SLC15A5: variants seen among roughly 807,000 people sequenced by gnomAD.
SLC15A5 encodes the protein Peptide/histidine transporter ENSP00000340402.
SLC15A5 carries 58 observed loss-of-function variants against 56.1 expected under a neutral mutation model. That is an observed-to-expected ratio of 1.03 (90% CI 0.84 to 1.29). The LOEUF (loss-of-function observed/expected upper bound fraction) is 1.29, where lower values mean the gene tolerates loss of function less well. Ranked by LOEUF, SLC15A5 falls within the 50% of genes most tolerant of loss-of-function variation. SLC15A5 has a pLI of 0.00. For missense variants in SLC15A5, 681 were observed against 672.1 expected (o/e 1.01, Z -0.15); for synonymous variants, 264 against 250.5 (o/e 1.05, Z -0.51).
At chr12:16,265,051 T>G (rs1433689713) in intron 2 of SLC15A5, among the ~76,000 whole-genome samples, 1 of 152,178 alleles carries the variant, frequency 6.6e-6, no homozygotes, top group Non-Finnish European at 1.5e-5. Flanking sequence ...TGGGTTTTAT[T>G]TTCAGTGCAT....
intron 3 of SLC15A5, among the ~76,000 whole-genome samples, chr12:16,250,426 A>C (rs1864508537): frequency 6.6e-6 from 1 of 152,024 alleles, no homozygotes; most frequent in South Asian, 2.1e-4. Context: ...ACATTGGTGA[A>C]TGCGCTTCAT....
Position 16,277,408 on chromosome 12 carries a change from G to A in SLC15A5, c.278C>T (p.Thr93Ile), listed in dbSNP as rs765212822. The A allele has an allele frequency of 6.5e-7, 1 of 1,536,434 alleles. No individual in the cohort carries two copies. Among genetic ancestry groups the A allele is most frequent in the Non-Finnish European group, 8.7e-7 (1 of 1,146,410 alleles). ...AGTGAGCCATCTGACAAACACAGGG[G>A]TAAGTATTGAAGTTCCAATAAAACA... Reference protein sequence around the residue: ...NLCFIGTSILTPVFVRWLTDV... With the variant: ...NLCFIGTSILIPVFVRWLTDV... The change falls in exon 1 of 9, where the codon ACC (threonine) becomes ATC (isoleucine). Residue 93 changes from threonine (T) to isoleucine (I), a missense_variant. Physicochemically the swap from Thr to Ile is moderately conservative, Grantham distance 89 (BLOSUM62 -1). Transcript: ENST00000344941.
rs191324881 is a variant in SLC15A5 at position 16,216,230 on chromosome 12, A to G, written c.1483+663T>C. The stretch of plus-strand genomic sequence containing the variant: ...AAAATTTCAAAAGTCCAGATTTAAA[A>G]TACAGCCAAAGTCATATCACTGTGA... On this transcript the variant is annotated intron_variant, in intron 7 of 8. Coordinates refer to ENST00000344941, the MANE Select transcript of SLC15A5 (RefSeq NM_001170798.1). 1.4e-4 allele frequency among the ~76,000 whole-genome samples: 21 copies of G among 152,312 alleles called. 1 individual carries two copies. The South Asian group carries it at 4.1e-3, about 30-fold the overall frequency.
intron 3 of SLC15A5, among the ~76,000 whole-genome samples, chr12:16,253,402 C>A (rs1384025300): frequency 6.6e-6 from 1 of 151,924 alleles, no homozygotes; most frequent in East Asian, 1.9e-4. Flanking sequence ...GGGCTAATAT[C>A]CAGAATATAT....
chr12:16,240,279 A>G (rs951150932), intron 4 of SLC15A5, among the ~76,000 whole-genome samples: 1 of 152,198 alleles, frequency 6.6e-6, no homozygotes, highest in African/African-American at 2.4e-5. Flanking sequence ...CCTGATGAAA[A>G]AAATGAGGCT....
chr12:16,192,388 A>G (rs542540641), intron 8 of SLC15A5, among the ~76,000 whole-genome samples: 1 of 152,136 alleles, frequency 6.6e-6, no homozygotes, highest in East Asian at 1.9e-4. Context: ...TTACATTTTT[A>G]CTTAGTCACT....
chr12:16,194,313 G>T (rs1224813325), intron 8 of SLC15A5, 32 bp downstream of exon 8: 1 of 1,430,618 alleles, frequency 7.0e-7, no homozygotes, highest in South Asian at 1.3e-5. Context: ...CATGGACTCA[G>T]AAATTTTTCA....
Position 16,235,818 on chromosome 12 carries a change from C to T in SLC15A5, c.1162+3863G>A, listed in dbSNP as rs1864347512. ...ACTGGATCCTTGACTTGGCTTTTAG[C>T]TTAGCAACCACTTTGGTTTCAACCA... On this transcript the variant is annotated intron_variant, in intron 5 of 8. Transcript: ENST00000344941. This position sits in a 1 kb window ranked among gnomAD's most constrained non-coding sequence, Gnocchi z 4.1. Among the ~76,000 whole-genome samples the T allele has an allele frequency of 6.6e-6, 1 of 152,118 alleles. No individual in the cohort carries two copies. The highest frequency in any genetic ancestry group is 2.4e-5 in the African/African-American group (1 of 41,444).
At chr12:16,207,815 G>A (rs752472113) in intron 7 of SLC15A5, among the ~76,000 whole-genome samples, 6 of 151,910 alleles carry the variant, frequency 3.9e-5, no homozygotes, top group South Asian at 2.1e-4. Flanking sequence ...CACCACTCCC[G>A]GCTAATCTTT....
In SLC15A5 at chr12:16,239,720, G is replaced by A. The variant is rs61746306; in HGVS notation, c.1123C>T (p.Pro375Ser). The A allele has an allele frequency of 9.6e-4, 1,476 of 1,537,384 alleles. 11 individuals are homozygous for A. The African/African-American group carries it at 0.015, about 16-fold the overall frequency. The change falls in exon 5 of 9, where the codon CCC becomes TCC. Residue 375 changes from proline (P) to serine (S), a missense_variant. Transcript: ENST00000344941. ...AGAAATGATCCAACTCTCTTAGAGGGAAACAGGCAGGTGCTGAAATACTCC... is the reference window on the plus strand; with the variant it reads ...AGAAATGATCCAACTCTCTTAGAGGAAAACAGGCAGGTGCTGAAATACTCC... ...FLEYFSTCLF[P>S]SKRVGSFLST... is the part of the protein sequence containing the mutation.
At chr12:16,228,374 T>C (rs942409597) in intron 5 of SLC15A5, among the ~76,000 whole-genome samples, 3 of 151,820 alleles carry the variant, frequency 2.0e-5, no homozygotes, top group South Asian at 2.1e-4. Context: ...GTCAGAAAGA[T>C]AGGTCATGTG....
At chr12:16,247,413 C>A (rs1424523040) in intron 3 of SLC15A5, among the ~76,000 whole-genome samples, 1 of 152,136 alleles carries the variant, frequency 6.6e-6, no homozygotes, top group Non-Finnish European at 1.5e-5. Context: ...AGTCAGAAAA[C>A]TGTTTTGGGC....
rs1278270998 is a variant in SLC15A5, at chr12:16,244,771, A to T, written c.784T>A (p.Leu262Met). ...TGGCATGTTTTCAGTGCACTAACCA[A>T]CACCCCAACGCCTGTCAGGAGAGAA... Reference protein sequence around the residue: ...RCSLLTGVGVLVSALKTCHPQ... With the variant: ...RCSLLTGVGVMVSALKTCHPQ... The change falls in exon 4 of 9, where the codon TTG (leucine) becomes ATG (methionine). Residue 262 changes from leucine (L) to methionine (M), a missense_variant. Physicochemically the swap from Leu to Met is conservative, Grantham distance 15 (BLOSUM62 2). Coordinates refer to ENST00000344941, the MANE Select transcript of SLC15A5 (RefSeq NM_001170798.1). The T allele has an allele frequency of 2.0e-6, 3 of 1,537,704 alleles. No homozygotes were observed. In the African/African-American group the frequency reaches 4.1e-5, roughly 21 times the overall value.
At chr12:16,203,233 C>A (rs540902049) in intron 7 of SLC15A5, among the ~76,000 whole-genome samples, 19 of 151,800 alleles carry the variant, frequency 1.3e-4, no homozygotes, top group Admixed American at 8.5e-4. Flanking sequence ...ACATTGTACC[C>A]CATAGATATA....
At chr12:16,211,050 G>T (rs1292925547) in intron 7 of SLC15A5, among the ~76,000 whole-genome samples, 1 of 152,186 alleles carries the variant, frequency 6.6e-6, no homozygotes. Context: ...GACAAGTAGA[G>T]TGTGGGCCTG....
intron 7 of SLC15A5, among the ~76,000 whole-genome samples, chr12:16,198,675 A>G (rs1469711389): frequency 6.6e-6 from 1 of 152,126 alleles, no homozygotes; most frequent in Admixed American, 6.6e-5. Flanking sequence ...ATACCTAAGG[A>G]CGACATTTCT....
intron 7 of SLC15A5, among the ~76,000 whole-genome samples, chr12:16,204,331 C>G (rs918092559): frequency 2.0e-5 from 3 of 151,766 alleles, no homozygotes; most frequent in East Asian, 3.9e-4. Context: ...GTGGCAGAAG[C>G]CTGTAATCCC....
chr12:16,245,226 T>G (rs1386113836), intron 3 of SLC15A5, among the ~76,000 whole-genome samples: 1 of 152,178 alleles, frequency 6.6e-6, no homozygotes, highest in African/African-American at 2.4e-5. Context: ...CTCATTTTAC[T>G]TGGCAGGTAG....
chr12:16,241,661 C>T (rs145717495), intron 4 of SLC15A5, among the ~76,000 whole-genome samples: 62 of 152,224 alleles, frequency 4.1e-4, no homozygotes, highest in African/African-American at 1.5e-3. Context: ...GATCCCCCAT[C>T]GGAGGAAAAT....
Sources: allele counts gnomAD v4.1 joint callset (sites outside exome capture counted in the v4.1 genomes callset), GRCh38; gene constraint gnomAD v4.1.1; non-coding constraint Gnocchi (gnomAD v3.1); transcripts MANE v1.5; gene names NCBI Gene and HGNC (gene_info 2026-07-23, HGNC 2026-07-21).